BBS9: variants seen among roughly 807,000 people sequenced by gnomAD.
BBS9 encodes the protein protein PTHB1.
BBS9 carries 89 observed loss-of-function variants against 117.7 expected under a neutral mutation model. The ratio of observed to expected loss-of-function variants is 0.76; its 90% CI spans 0.64 to 0.90. The LOEUF (loss-of-function observed/expected upper bound fraction) is 0.90. Among genes scored for constraint, BBS9 ranks in the 40% least tolerant of loss-of-function variants. The pLI is 0.00. For synonymous variants in BBS9, 379 were observed against 370.9 expected, an observed-to-expected ratio of 1.02 and a Z score of -0.25; for missense variants, 982 against 1,042.2, an observed-to-expected ratio of 0.94 and a Z score of 0.80.
chr7:33,352,788 G>A (rs1267278589), intron 14 of BBS9, 71 bp from the exon 15 acceptor site: 4 of 1,536,606 alleles, frequency 2.6e-6, no homozygotes, highest in Non-Finnish European at 3.6e-6. Flanking sequence ...AATTTGTGTT[G>A]TAACTTTACC....
chr7:33,264,486 C>A, intron 7 of BBS9, 112 bp downstream of exon 7: 1 of 658,346 alleles, frequency 1.5e-6, no homozygotes, highest in East Asian at 3.1e-5. Context: ...CAGCCATTCT[C>A]TTTCCTATAT....
chr7:33,309,711 A>G (rs1385711659), intron 9 of BBS9, among the ~76,000 whole-genome samples: 2 of 152,284 alleles, frequency 1.3e-5, no homozygotes, highest in East Asian at 3.9e-4. Flanking sequence ...TAAACTGAAA[A>G]TACTCATACT....
At chr7:33,340,769 G>C (rs1342948626) in intron 10 of BBS9, 128 bp from the exon 11 acceptor site, 1 of 711,080 alleles carries the variant, frequency 1.4e-6, no homozygotes, top group Admixed American at 2.7e-5. Context: ...TAATGCATTA[G>C]TTTTTTCAAC....
intron 9 of BBS9, among the ~76,000 whole-genome samples, chr7:33,326,496 C>T (rs1198385547): frequency 6.6e-6 from 1 of 152,082 alleles, no homozygotes; most frequent in Non-Finnish European, 1.5e-5. Flanking sequence ...CCAGCTGGTA[C>T]CTAAGCTGTA....
At chr7:33,183,349 T>C in intron 5 of BBS9, among the ~76,000 whole-genome samples, 1 of 151,960 alleles carries the variant, frequency 6.6e-6, no homozygotes, top group East Asian at 1.9e-4. Flanking sequence ...AAAAAACCCC[T>C]TTTCCAGAAA....
At chr7:33,633,187 C>T (rs970788490) in intron 21 of BBS9, among the ~76,000 whole-genome samples, 1 of 152,080 alleles carries the variant, frequency 6.6e-6, no homozygotes, top group Non-Finnish European at 1.5e-5. Flanking sequence ...ACACTTCTTA[C>T]TTCTGATTTG....
At chr7:33,615,907 C>A (rs57286062) in intron 21 of BBS9, among the ~76,000 whole-genome samples, 2,374 of 151,976 alleles carry the variant, frequency 0.016, 70 homozygotes, top group African/African-American at 0.055. Context: ...GTATTTAGTG[C>A]TGAAAGAAAA....
chr7:33,351,509 G>T (rs1000008582), intron 14 of BBS9, 186 bp downstream of exon 14: 21 of 618,636 alleles, frequency 3.4e-5, no homozygotes, highest in Admixed American at 1.2e-4. Flanking sequence ...AGGCTATTTA[G>T]CTGATTTCCA....
intron 5 of BBS9, among the ~76,000 whole-genome samples, chr7:33,181,302 T>C (rs1266125438): frequency 6.6e-6 from 1 of 152,158 alleles, no homozygotes; most frequent in Admixed American, 6.5e-5. Flanking sequence ...CTAGCATACC[T>C]CTAGAGAATA....
intron 5 of BBS9, among the ~76,000 whole-genome samples, chr7:33,223,623 A>G (rs1057326012): frequency 2.6e-5 from 4 of 152,192 alleles, no homozygotes; most frequent in East Asian, 1.9e-4. Context: ...ATGTGAAACT[A>G]TAATACTCTG....
At chr7:33,503,104 TA>T (rs1845667753) in intron 19 of BBS9, among the ~76,000 whole-genome samples, 1 of 152,310 alleles carries the variant, frequency 6.6e-6, no homozygotes, top group South Asian at 2.1e-4. Flanking sequence ...TATGAGCATT[TA>T]ACTCATGAGT....
chr7:33,484,604 A>G (rs1842858938), intron 19 of BBS9, among the ~76,000 whole-genome samples: 1 of 152,188 alleles, frequency 6.6e-6, no homozygotes, highest in Non-Finnish European at 1.5e-5. Flanking sequence ...ATCTCATGCC[A>G]GTCAGAGTGG....
chr7:33,449,516 A>G (rs1837478715), intron 19 of BBS9, among the ~76,000 whole-genome samples: 1 of 152,026 alleles, frequency 6.6e-6, no homozygotes, highest in Admixed American at 6.5e-5. Flanking sequence ...TGGACAGATG[A>G]CTTCCTGTGT....
intron 19 of BBS9, among the ~76,000 whole-genome samples, chr7:33,466,154 T>C (rs77472972): frequency 0.035 from 5,307 of 152,214 alleles, 178 homozygotes; most frequent in African/African-American, 0.086. Context: ...TTTTTTTGTG[T>C]GTAGTGGAAA....
intron 19 of BBS9, among the ~76,000 whole-genome samples, chr7:33,495,491 T>C (rs1844583834): frequency 6.6e-6 from 1 of 152,198 alleles, no homozygotes; most frequent in Admixed American, 6.5e-5. Context: ...TGGAGAGTGA[T>C]AACTGTGGCA....
chr7:33,172,970 A>G (rs1184459349), intron 4 of BBS9, among the ~76,000 whole-genome samples: 1 of 152,244 alleles, frequency 6.6e-6, no homozygotes, highest in Admixed American at 6.5e-5. Context: ...ATCCTTAAAA[A>G]TGGTGATTTC....
intron 12 of BBS9, chr7:33,346,167 T>G (rs1189431899): frequency 1.2e-5 from 5 of 428,128 alleles, no homozygotes; most frequent in South Asian, 5.4e-5. Flanking sequence ...TGATCCTGTC[T>G]GACAGTTTCT....
chr7:33,607,865 G>T (rs566065636), downstream of BBS9, among the ~76,000 whole-genome samples: 31 of 151,278 alleles, frequency 2.0e-4, no homozygotes, highest in South Asian at 6.1e-3. Flanking sequence ...AAATAGCCAT[G>T]CAATTGATAG....
chr7:33,525,648 A>T, intron 20 of BBS9, among the ~76,000 whole-genome samples: 1 of 130,684 alleles, frequency 7.7e-6, no homozygotes, highest in Admixed American at 8.2e-5. Flanking sequence ...GTGTCTCTGC[A>T]CGTGAGATGG....
Sources: allele counts gnomAD v4.1 joint callset (sites outside exome capture counted in the v4.1 genomes callset), GRCh38; gene constraint gnomAD v4.1.1; transcripts MANE v1.5; gene names NCBI Gene and HGNC (gene_info 2026-07-23, HGNC 2026-07-21).